TMED3: variants seen among roughly 807,000 people sequenced by gnomAD.
The protein encoded by TMED3 is transmembrane p24 trafficking protein 3, also known as transmembrane emp24 domain-containing protein 3.
Under a neutral mutation model 15.0 loss-of-function variants are expected in TMED3, and 9 were observed. The ratio of observed to expected loss-of-function variants is 0.60; its 90% confidence interval spans 0.36 to 1.04. The LOEUF is 1.04. Ranked by LOEUF, TMED3 falls within the 50% of genes least tolerant of loss-of-function variation. TMED3 has a pLI of 0.01. For missense variants in TMED3, 267 were observed against 278.9 expected (o/e 0.96, Z 0.30); for synonymous variants, 117 against 121.4 (o/e 0.96, Z 0.24).
chr15:79,405,462 G>A (rs551194587), intron 2 of TMED3, among the ~76,000 whole-genome samples: 7 of 152,292 alleles, frequency 4.6e-5, no homozygotes, highest in Admixed American at 6.5e-5. Flanking sequence ...CTTCCAGCAT[G>A]TCTGATAAAT....
chr15:79,339,357 G>T (rs931968785), intron 2 of TMED3, among the ~76,000 whole-genome samples: 1 of 152,150 alleles, frequency 6.6e-6, no homozygotes, highest in Non-Finnish European at 1.5e-5. Context: ...TAGTGGTAGT[G>T]GTCCCCCGGG....
chr15:79,327,318 T>C (rs2058790988), downstream of TMED3, among the ~76,000 whole-genome samples: 1 of 152,226 alleles, frequency 6.6e-6, no homozygotes, highest in Admixed American at 6.5e-5. Context: ...TGCCTTAATC[T>C]TGGACATCCC....
At position 79,322,198 on chromosome 15, in the gene TMED3, G is replaced by A; in HGVS notation, c.638G>A (p.Arg213Lys). ...SFFTEKRPIS[R>K]AVHS ...TTCACAGAAAAACGACCCATCAGCA[G>A]GGCAGTCCACTCCTAGCCCCGGCAT... Residue 213 changes from arginine to lysine, a missense_variant, in exon 3 of 3, where the codon AGG becomes AAG. Around this residue, in one of 3 missense-constraint regions of TMED3, gnomAD observed 139 missense variants for 125.0 expected, o/e 1.11. Transcript: ENST00000299705. 6.2e-7 allele frequency: 1 copy of A among 1,613,808 alleles called. No individual in the cohort carries two copies. Among genetic ancestry groups the A allele is most frequent in the Non-Finnish European group, 8.5e-7 (1 of 1,179,834 alleles).
At chr15:79,319,190 A>G (rs1200409921) in intron 2 of TMED3, among the ~76,000 whole-genome samples, 10 of 152,200 alleles carry the variant, frequency 6.6e-5, no homozygotes, top group Non-Finnish European at 1.5e-5. Flanking sequence ...TGATCATGCC[A>G]CCTTTCTACG....
intron 2 of TMED3, among the ~76,000 whole-genome samples, chr15:79,390,529 G>T (rs1346772506): frequency 3.9e-5 from 6 of 152,044 alleles, no homozygotes; most frequent in Non-Finnish European, 8.8e-5. Flanking sequence ...ATGTTCATCA[G>T]GGATATCAGT....
chr15:79,400,407 A>T (rs1440360728), intron 2 of TMED3, among the ~76,000 whole-genome samples: 1 of 152,218 alleles, frequency 6.6e-6, no homozygotes, highest in Non-Finnish European at 1.5e-5. Flanking sequence ...TATAGGCACC[A>T]TAGAGGCAGG....
intron 2 of TMED3, among the ~76,000 whole-genome samples, chr15:79,341,658 C>G (rs2058852194): frequency 6.6e-6 from 1 of 152,190 alleles, no homozygotes; most frequent in South Asian, 2.1e-4. Context: ...TTCCCCTTCC[C>G]TGTGCCATAA....
At chr15:79,385,893 G>A (rs116442492) in intron 2 of TMED3, among the ~76,000 whole-genome samples, 3,728 of 152,246 alleles carry the variant, frequency 0.024, 164 homozygotes, top group African/African-American at 0.085. Flanking sequence ...CCATCATTAG[G>A]TACTATTTAT....
At chr15:79,351,199 C>T (rs1020384131) in intron 2 of TMED3, among the ~76,000 whole-genome samples, 1 of 152,200 alleles carries the variant, frequency 6.6e-6, no homozygotes, top group Non-Finnish European at 1.5e-5. Context: ...TGACTACTAA[C>T]TGGTCAGGTG....
intron 2 of TMED3, among the ~76,000 whole-genome samples, chr15:79,392,982 G>A (rs1476563910): frequency 6.6e-6 from 1 of 152,192 alleles, no homozygotes; most frequent in South Asian, 2.1e-4. Flanking sequence ...ATCCCCAGAA[G>A]TGAAACTCAG....
intron 2 of TMED3, among the ~76,000 whole-genome samples, chr15:79,340,270 C>T (rs2058846887): frequency 6.6e-6 from 1 of 152,224 alleles, no homozygotes; most frequent in African/African-American, 2.4e-5. Context: ...ATGGTCTCCA[C>T]TCAAGAAGCT....
chr15:79,333,417 T>C (rs2058816636), intron 2 of TMED3, among the ~76,000 whole-genome samples: 1 of 152,236 alleles, frequency 6.6e-6, no homozygotes, highest in South Asian at 2.1e-4. Flanking sequence ...AGAAAGCAAC[T>C]GTCTTTTTCC....
chr15:79,353,302 A>ATATATAATATATATTATATG (rs1567030603), intron 2 of TMED3, among the ~76,000 whole-genome samples: 8 of 9,762 alleles, frequency 8.2e-4, no homozygotes, highest in South Asian at 3.1e-3. Context: ...TGTATATTAT[A>ATATATAATATATATTATATG]TATATTATAT....
downstream of TMED3, among the ~76,000 whole-genome samples, chr15:79,324,213 G>A (rs1235964317): frequency 2.6e-5 from 4 of 152,118 alleles, no homozygotes; most frequent in Non-Finnish European, 5.9e-5. Flanking sequence ...GGATGGTCTC[G>A]ATCTCCTGAC....
intron 2 of TMED3, chr15:79,383,033 C>A (rs1413384139): frequency 2.0e-6 from 3 of 1,535,428 alleles, no homozygotes; most frequent in Non-Finnish European, 2.6e-6. Flanking sequence ...CATCTGGGAT[C>A]TACCTGTTCC....
chr15:79,341,336 G>A (rs1422046344), intron 2 of TMED3, among the ~76,000 whole-genome samples: 1 of 152,062 alleles, frequency 6.6e-6, no homozygotes, highest in Non-Finnish European at 1.5e-5. Context: ...ACTTTGGCTG[G>A]GCTGGACCAT....
chr15:79,402,810 A>G (rs979868489), intron 2 of TMED3, among the ~76,000 whole-genome samples: 1 of 151,776 alleles, frequency 6.6e-6, no homozygotes, highest in African/African-American at 2.4e-5. Context: ...ATAAAAAAAT[A>G]AAAAGGGGGG....
downstream of TMED3, among the ~76,000 whole-genome samples, chr15:79,325,656 C>T (rs1394520063): frequency 2.0e-5 from 3 of 152,088 alleles, no homozygotes; most frequent in Non-Finnish European, 4.4e-5. Context: ...GCAAGGAAGC[C>T]AGTAGAGGCT....
chr15:79,382,706 G>A (rs1893557075), intron 2 of TMED3, among the ~76,000 whole-genome samples: 1 of 152,002 alleles, frequency 6.6e-6, no homozygotes, highest in Admixed American at 6.5e-5. Flanking sequence ...CTTTCTCTAT[G>A]TCCTCCACTT....
Sources: gnomAD v4.1 joint callset for allele counts (sites outside exome capture counted in the v4.1 genomes callset) on GRCh38, gnomAD v4.1.1 for gene constraint, gnomAD v4.1.1 regional missense constraint, MANE v1.5 for transcripts, NCBI Gene and HGNC (gene_info 2026-07-23, HGNC 2026-07-21) for gene names.